SLX9: variants seen among roughly 807,000 people sequenced by gnomAD.
SLX9 encodes the protein SLX9 ribosome biogenesis factor.
In SLX9, 19 loss-of-function variants were observed where a neutral mutation model predicts 20.8. That is an observed-to-expected ratio of 0.91 (90% CI 0.64 to 1.34). The LOEUF (loss-of-function observed/expected upper bound fraction) is 1.34. Among genes scored for constraint, SLX9 ranks in the 40% most tolerant of loss-of-function variants. The pLI is 0.00. For synonymous variants in SLX9, 113 were observed against 137.1 expected, an observed-to-expected ratio of 0.82 and a Z score of 1.23; for missense variants, 299 against 322.2, an observed-to-expected ratio of 0.93 and a Z score of 0.55.
chr21:44,959,225 A>G (rs1456331238), intron 2 of SLX9: 42 of 985,294 alleles, frequency 4.3e-5, no homozygotes, highest in Non-Finnish European at 4.9e-5. Context: ...TTCATTAGAC[A>G]TGGTGGATTT....
chr21:44,943,853 C>T lies in SLX9; in HGVS notation c.283+16C>T, dbSNP rs368028677. ...ATCAGGAGAGGTGAGGCAGGCTCGACGGGTTACCATGCTGATACCCAGCAG... is the reference window on the plus strand; with the variant it reads ...ATCAGGAGAGGTGAGGCAGGCTCGATGGGTTACCATGCTGATACCCAGCAG... On this transcript the variant is annotated intron_variant, in intron 2 of 5. Coordinates refer to ENST00000291634, the MANE Select transcript of SLX9 (RefSeq NM_058190.4). 2.1e-5 allele frequency: 34 copies of T among 1,613,792 alleles called. No homozygotes were observed. Among genetic ancestry groups the T allele is most frequent in the Middle Eastern group, 1.6e-4 (1 of 6,084 alleles).
rs577605976 is a variant in SLX9 at position 44,976,004 on chromosome 21, G to T, written c.570-676G>T. On this transcript the variant is annotated intron_variant, in intron 5 of 5. Coordinates refer to ENST00000291634, the MANE Select transcript of SLX9 (RefSeq NM_058190.4). ...GGAGGGGTACAGGCCCCACCTCCCCGCCACCAGGCTCAGGGCCTCTTGGCA... is the reference window on the plus strand; with the variant it reads ...GGAGGGGTACAGGCCCCACCTCCCCTCCACCAGGCTCAGGGCCTCTTGGCA... Among the ~76,000 whole-genome samples, 28 of 152,368 alleles carry T rather than the reference G, an allele frequency of 1.8e-4. No individual in the cohort carries two copies. In the East Asian group the frequency reaches 5.2e-3, roughly 28 times the overall value.
Position 44,954,644 on chromosome 21 carries a change from C to T in SLX9, c.284-5456C>T, listed in dbSNP as rs148429725. On this transcript the variant is annotated intron_variant, in intron 2 of 5. Coordinates refer to ENST00000291634, the MANE Select transcript of SLX9 (RefSeq NM_058190.4). The stretch of plus-strand genomic sequence containing the variant: ...CAGCCTGGGCTCCTCAGCACAGTAG[C>T]GTCACCTTGGTGCTCTGCGTCTCAG... Among the ~76,000 whole-genome samples the T allele has an allele frequency of 2.7e-3, 418 of 152,266 alleles. 3 individuals carry two copies. The highest frequency in any genetic ancestry group is 7.3e-3 in the South Asian group (35 of 4,824).
chr21:44,948,004 A>T (rs2084675146), intron 2 of SLX9, among the ~76,000 whole-genome samples: 1 of 152,200 alleles, frequency 6.6e-6, no homozygotes, highest in South Asian at 2.1e-4. Context: ...GCCTCCCCCA[A>T]CGCAGTGCCA....
intron 2 of SLX9, among the ~76,000 whole-genome samples, chr21:44,956,911 T>C (rs540554750): frequency 1.1e-4 from 17 of 152,222 alleles, no homozygotes; most frequent in Admixed American, 2.0e-4. Flanking sequence ...GCCCCTTTGT[T>C]AGAGCGCAAG....
chr21:44,944,424 G>A (rs1005378783), intron 2 of SLX9, among the ~76,000 whole-genome samples: 2 of 152,168 alleles, frequency 1.3e-5, no homozygotes, highest in South Asian at 4.1e-4. Flanking sequence ...GCTTAGCAGG[G>A]AACGCCGTCC....
At chr21:44,952,816 C>T (rs1322122387) in intron 2 of SLX9, among the ~76,000 whole-genome samples, 1 of 152,210 alleles carries the variant, frequency 6.6e-6, no homozygotes, top group Non-Finnish European at 1.5e-5. Context: ...GTGGCTGGAG[C>T]TATTTAAGGT....
intron 1 of SLX9, among the ~76,000 whole-genome samples, chr21:44,943,411 G>C (rs953891698): frequency 2.0e-5 from 3 of 152,198 alleles, no homozygotes; most frequent in African/African-American, 7.2e-5. Flanking sequence ...TGAGATACTG[G>C]TCCTGACTCC....
At chr21:44,952,906 C>T (rs943183888) in intron 2 of SLX9, among the ~76,000 whole-genome samples, 1 of 152,204 alleles carries the variant, frequency 6.6e-6, no homozygotes, top group South Asian at 2.1e-4. Context: ...TCATCGACAG[C>T]TGGGGTGGGA....
intron 1 of SLX9, 117 bp downstream of exon 1, chr21:44,940,303 A>G (rs2146597236): frequency 1.7e-6 from 2 of 1,174,778 alleles, no homozygotes; most frequent in Non-Finnish European, 2.1e-6. Context: ...CTCTGCGGGC[A>G]TTTGCTGCGC....
intron 4 of SLX9, chr21:44,972,983 C>A: frequency 1.6e-6 from 1 of 626,670 alleles, no homozygotes; most frequent in Non-Finnish European, 2.8e-6. Flanking sequence ...ACTGCTTGTC[C>A]GGGGCGGTCA....
At chr21:44,976,275 AGGCTCTCGGCTCTC>A (rs59631583) in intron 5 of SLX9, among the ~76,000 whole-genome samples, 18 of 151,988 alleles carry the variant, frequency 1.2e-4, no homozygotes, top group South Asian at 4.2e-4. Context: ...CTGCCGGCTC[AGGCTCTCGGCTCTC>A]GGCTCTCGGC....
At chr21:44,963,389 TTA>T (rs1491421713) in intron 3 of SLX9, among the ~76,000 whole-genome samples, 2 of 151,782 alleles carry the variant, frequency 1.3e-5, no homozygotes, top group African/African-American at 4.8e-5. Context: ...TTTTTTTTTT[TTA>T]AATAAACGAG....
At chr21:44,942,793 A>G (rs2084572496) in intron 1 of SLX9, among the ~76,000 whole-genome samples, 2 of 151,992 alleles carry the variant, frequency 1.3e-5, no homozygotes, top group Non-Finnish European at 2.9e-5. Context: ...AGGCTGCAGG[A>G]GGGGAGGGGT....
At chr21:44,954,021 TG>T (rs1808163471) in intron 2 of SLX9, among the ~76,000 whole-genome samples, 1 of 152,162 alleles carries the variant, frequency 6.6e-6, no homozygotes, top group Non-Finnish European at 1.5e-5. Flanking sequence ...TTACCCTGGC[TG>T]GGAGCTCACA....
chr21:44,969,194 G>C (rs1411025785), intron 4 of SLX9: 1 of 470,280 alleles, frequency 2.1e-6, no homozygotes, highest in South Asian at 1.5e-5. Context: ...CAGGTCACGC[G>C]CTGCAGGCCC....
chr21:44,948,128 C>T (rs1218738092), intron 2 of SLX9, among the ~76,000 whole-genome samples: 1 of 152,258 alleles, frequency 6.6e-6, no homozygotes, highest in Admixed American at 6.5e-5. Flanking sequence ...CGGCTCCAAT[C>T]CTTGGCATCG....
At chr21:44,944,223 G>C (rs1049119449) in intron 2 of SLX9, among the ~76,000 whole-genome samples, 1 of 152,242 alleles carries the variant, frequency 6.6e-6, no homozygotes, top group Non-Finnish European at 1.5e-5. Context: ...GCAGAGGTTA[G>C]CTGCTTATCA....
chr21:44,968,221 AGTGACACAACCCTGCCACCCG>A (rs2085075877), intron 4 of SLX9, among the ~76,000 whole-genome samples: 1 of 148,000 alleles, frequency 6.8e-6, no homozygotes, highest in African/African-American at 2.6e-5. Context: ...CGCAACCCCC[AGTGACACAACCCTGCCACCCG>A]GTGACGCAAC....
Sources: gnomAD v4.1 joint callset for allele counts (sites outside exome capture counted in the v4.1 genomes callset) on GRCh38, gnomAD v4.1.1 for gene constraint, MANE v1.5 for transcripts, NCBI Gene and HGNC (gene_info 2026-07-23, HGNC 2026-07-21) for gene names.